PRKDC: variants seen among roughly 807,000 people sequenced by gnomAD.
The protein encoded by PRKDC is protein kinase, DNA-activated, catalytic subunit.
PRKDC carries 82 observed loss-of-function variants against 486.9 expected under a neutral mutation model. The ratio of observed to expected loss-of-function variants is 0.17; its 90% CI spans 0.14 to 0.20. The LOEUF (loss-of-function observed/expected upper bound fraction) is 0.20. Ranked by LOEUF, PRKDC falls within the 10% of genes least tolerant of loss-of-function variation. PRKDC has a pLI of 1.00. For missense variants in PRKDC, 4,504 were observed against 5,038.2 expected (o/e 0.89, Z 3.21); for synonymous variants, 1,895 against 1,837.0 (o/e 1.03, Z -0.81).
rs957341509 is a variant in PRKDC at position 47,891,901 on chromosome 8, C to T, written c.3847+1238G>A. On this transcript the variant is annotated intron_variant, in intron 31 of 85. Coordinates refer to ENST00000314191, the MANE Select transcript of PRKDC (RefSeq NM_006904.7). Reference sequence around the variant, plus strand: ...TTTGTTTTGGTTTTATTTTCTGAGACGGTGTCACCCAGGCTGGAGTGCTCT... The same window carrying T: ...TTTGTTTTGGTTTTATTTTCTGAGATGGTGTCACCCAGGCTGGAGTGCTCT... Among the ~76,000 whole-genome samples, 10 of 152,134 alleles carry T rather than the reference C, an allele frequency of 6.6e-5. No individual in the cohort carries two copies. The South Asian group carries it at 8.3e-4, about 13-fold the overall frequency.
chr8:47,941,767 T>C (rs1304759961), intron 10 of PRKDC, among the ~76,000 whole-genome samples: 2 of 152,252 alleles, frequency 1.3e-5, no homozygotes, highest in East Asian at 1.9e-4. Context: ...TTGAGGATAG[T>C]TCTCTTGAAC....
At chr8:47,802,102 T>C (rs899289545) in intron 70 of PRKDC, among the ~76,000 whole-genome samples, 3 of 152,142 alleles carry the variant, frequency 2.0e-5, no homozygotes, top group African/African-American at 4.8e-5. Context: ...CTCACTACAC[T>C]GCCCAGGCCA....
At chr8:47,840,874 C>T (rs1247227771) in intron 54 of PRKDC, among the ~76,000 whole-genome samples, 2 of 152,108 alleles carry the variant, frequency 1.3e-5, no homozygotes, top group African/African-American at 2.4e-5. Flanking sequence ...AGGAGGGGGA[C>T]AAGATGGCTG....
At chr8:47,887,743 A>G (rs1202986936) in intron 34 of PRKDC, 38 bp from the exon 35 acceptor site, 1 of 1,549,634 alleles carries the variant, frequency 6.5e-7, no homozygotes. Context: ...TAGCAAAAAG[A>G]TATTTCTTAG....
At position 47,857,282 on chromosome 8, in the gene PRKDC, C is replaced by A. The variant is rs761604517; in HGVS notation, c.6483G>T (p.Ala2161=). 6.2e-7 allele frequency: 1 copy of A among 1,611,140 alleles called. No individual in the cohort carries two copies. Among genetic ancestry groups the A allele is most frequent in the African/African-American group, 1.3e-5 (1 of 74,882 alleles). Residue 2161 remains alanine, a synonymous_variant, in exon 49 of 86, where the codon GCG becomes GCT. Transcript: ENST00000314191. ...INTEEVFRPY[A]KHWLSPLLQL... Reference sequence around the variant, plus strand: ...GCAGCAAGGGGCTAAGCCAGTGCTTCGCGTAAGGGCGAAAGACCTACAAGA... The same window carrying A: ...GCAGCAAGGGGCTAAGCCAGTGCTTAGCGTAAGGGCGAAAGACCTACAAGA...
rs368939598 is a variant in PRKDC at position 47,907,396 on chromosome 8, C to CTATATATATA, written c.2935-2430_2935-2421dup. On this transcript the variant is annotated intron_variant, in intron 25 of 85. Coordinates refer to ENST00000314191, the MANE Select transcript of PRKDC (RefSeq NM_006904.7). ...AGTTTTTTAATACATGTATACATAG[C>CTATATATATA]TATATATATATATATACACACACAC... Among the ~76,000 whole-genome samples, 15 of 144,132 alleles carry CTATATATATA rather than the reference C, an allele frequency of 1.0e-4. No individual in the cohort carries two copies. In the South Asian group the frequency reaches 2.2e-3, roughly 22 times the overall value. The allele number at this position is 144,132 out of a possible 152,430, so 94.6% of individuals were successfully genotyped here.
chr8:47,859,497 G>C, intron 46 of PRKDC, 114 bp downstream of exon 46: 1 of 1,230,488 alleles, frequency 8.1e-7, no homozygotes, highest in Non-Finnish European at 1.1e-6. Context: ...TCTATACTCC[G>C]AGGGTTGTCA....
At chr8:47,953,034 G>A (rs2090651026) in intron 7 of PRKDC, among the ~76,000 whole-genome samples, 1 of 152,116 alleles carries the variant, frequency 6.6e-6, no homozygotes, top group South Asian at 2.1e-4. Context: ...CCAGGTACTC[G>A]GGAGGCTGAG....
chr8:47,876,208 C>T (rs1438500354), intron 40 of PRKDC, among the ~76,000 whole-genome samples: 1 of 152,118 alleles, frequency 6.6e-6, no homozygotes, highest in Admixed American at 6.6e-5. Context: ...AATCATGGAA[C>T]TATATACTTA....
chr8:47,821,600 C>T lies in PRKDC; in HGVS notation c.9111+4G>A. The T allele has an allele frequency of 6.3e-7, 1 of 1,585,492 alleles. No homozygotes were observed. The highest frequency in any genetic ancestry group is 8.6e-7 in the Non-Finnish European group (1 of 1,163,316). On this transcript the variant is annotated splice_donor_region_variant and intron_variant, in intron 65 of 85. Coordinates refer to ENST00000314191, the MANE Select transcript of PRKDC (RefSeq NM_006904.7). Reference sequence around the variant, plus strand: ...TTTCAATCACTTAAAATAATTTTACCCACCTGATAAAATGGTTCACTCCAG... The same window carrying T: ...TTTCAATCACTTAAAATAATTTTACTCACCTGATAAAATGGTTCACTCCAG...
In PRKDC at chr8:47,834,404, A is replaced by G; in HGVS notation, c.7952-8T>C. On this transcript the variant is annotated splice_region_variant and splice_polypyrimidine_tract_variant and intron_variant, in intron 58 of 85. Transcript: ENST00000314191. ...CAAATGAGCTTCTTCCATCTGTGACATGCAATCAGAGAGGTCAGGCACTCA... is the reference window on the plus strand; with the variant it reads ...CAAATGAGCTTCTTCCATCTGTGACGTGCAATCAGAGAGGTCAGGCACTCA... 3 of 1,612,488 alleles carry G rather than the reference A, an allele frequency of 1.9e-6. No homozygotes were observed. Among genetic ancestry groups the G allele is most frequent in the Non-Finnish European group, 2.5e-6 (3 of 1,179,620 alleles).
At chr8:47,935,192 G>A (rs1178786952) in intron 13 of PRKDC, 134 bp from the exon 14 acceptor site, 4 of 688,730 alleles carry the variant, frequency 5.8e-6, no homozygotes, top group African/African-American at 3.7e-5. Flanking sequence ...GTTCATTCAC[G>A]GCTTTAATTT....
chr8:47,957,376 C>G lies in PRKDC; in HGVS notation c.210G>C (p.Arg70=). 2 of 1,598,084 alleles carry G rather than the reference C, an allele frequency of 1.3e-6. No individual in the cohort carries two copies. The highest frequency in any genetic ancestry group is 1.7e-6 in the Non-Finnish European group (2 of 1,171,664). Residue 70 remains arginine, a synonymous_variant, in exon 2 of 86, where the codon CGG becomes CGC. Transcript: ENST00000314191. ...SRDFGLLVFV[R]KSLNSIEFRE... Reference sequence around the variant, plus strand: ...TTACTTCAATACTGTTGAGTGACTTCCGGACAAATACAAGCAAACCGAAAT... The same window carrying G: ...TTACTTCAATACTGTTGAGTGACTTGCGGACAAATACAAGCAAACCGAAAT...
At chr8:47,774,406 A>G (rs1429353536) in intron 85 of PRKDC, 29 bp from the exon 86 acceptor site, 2 of 1,599,664 alleles carry the variant, frequency 1.3e-6, no homozygotes, top group East Asian at 2.2e-5. Flanking sequence ...CAGAAAACAC[A>G]AAGCATGTGT....
chr8:47,796,207 T>C (rs1012520594), intron 73 of PRKDC, among the ~76,000 whole-genome samples: 1 of 152,058 alleles, frequency 6.6e-6, no homozygotes, highest in Non-Finnish European at 1.5e-5. Flanking sequence ...AAATTTTCAT[T>C]TCTGAAAGTA....
chr8:47,893,097 T>C, intron 31 of PRKDC, 42 bp downstream of exon 31: 5 of 1,516,144 alleles, frequency 3.3e-6, no homozygotes, highest in Non-Finnish European at 4.5e-6. Flanking sequence ...AGGGTGACTC[T>C]GGCAGCACGA....
intron 21 of PRKDC, among the ~76,000 whole-genome samples, chr8:47,921,506 C>T (rs1380237483): frequency 6.6e-6 from 1 of 151,970 alleles, no homozygotes; most frequent in African/African-American, 2.4e-5. Context: ...TGAAAAGGCA[C>T]AATTTTTGTG....
intron 76 of PRKDC, among the ~76,000 whole-genome samples, chr8:47,786,603 A>G (rs2086795112): frequency 6.6e-6 from 1 of 152,182 alleles, no homozygotes; most frequent in Non-Finnish European, 1.5e-5. Flanking sequence ...TTCAATAGAA[A>G]TAAATGGCTC....
rs533285149 is a variant in PRKDC at position 47,860,021 on chromosome 8, A to C, written c.6059-262T>G. Among the ~76,000 whole-genome samples, 145 of 152,326 alleles carry C rather than the reference A, an allele frequency of 9.5e-4. No individual in the cohort carries two copies. In the South Asian group the frequency reaches 0.029, roughly 31 times the overall value. On this transcript the variant is annotated intron_variant, in intron 45 of 85. Coordinates refer to ENST00000314191, the MANE Select transcript of PRKDC (RefSeq NM_006904.7). ...TACTGGTCCAATTTTGCATATGATTAACACATTTTCTTTGCATTTAAAATT... is the reference window on the plus strand; with the variant it reads ...TACTGGTCCAATTTTGCATATGATTCACACATTTTCTTTGCATTTAAAATT...
Sources: allele counts gnomAD v4.1 joint callset (sites outside exome capture counted in the v4.1 genomes callset), GRCh38; gene constraint gnomAD v4.1.1; transcripts MANE v1.5; gene names NCBI Gene and HGNC (gene_info 2026-07-23, HGNC 2026-07-21).